MTHFD2L: variants seen among roughly 807,000 people sequenced by gnomAD.
MTHFD2L encodes bifunctional methylenetetrahydrofolate dehydrogenase/cyclohydrolase 2, mitochondrial.
A neutral mutation model predicts 34.9 loss-of-function variants in MTHFD2L; 29 were observed. The ratio of observed to expected loss-of-function variants is 0.83; its 90% CI spans 0.62 to 1.13. The LOEUF (loss-of-function observed/expected upper bound fraction) is 1.13, where lower values mean the gene tolerates loss of function less well. Among genes scored for constraint, MTHFD2L ranks in the 50% most tolerant of loss-of-function variants. The probability of loss-of-function intolerance (pLI) is 0.00; values close to 1 mark genes in which losing one functional copy is unlikely to be tolerated. For synonymous variants in MTHFD2L, 167 were observed against 155.7 expected, an observed-to-expected ratio of 1.07 and a Z score of -0.54; for missense variants, 481 against 446.5, an observed-to-expected ratio of 1.08 and a Z score of -0.70.
chr4:74,166,325 C>G (rs1043220849), intron 1 of MTHFD2L, among the ~76,000 whole-genome samples: 4 of 152,222 alleles, frequency 2.6e-5, no homozygotes, highest in African/African-American at 4.8e-5. Context: ...TAACTCCAGT[C>G]TTTGCCTCTG....
chr4:74,224,032 G>A (rs966643989), intron 5 of MTHFD2L: 3 of 151,988 alleles, frequency 2.0e-5, no homozygotes, highest in Admixed American at 6.6e-5. Flanking sequence ...GGATTTTTTA[G>A]ATCTACTGTT....
chr4:74,176,896 A>G (rs564151930), intron 3 of MTHFD2L, among the ~76,000 whole-genome samples: 2 of 152,108 alleles, frequency 1.3e-5, no homozygotes, highest in South Asian at 2.1e-4. Context: ...TGGGATCTTT[A>G]TGTGGTATTA....
At chr4:74,297,589 A>G (rs1749783785) in intron 7 of MTHFD2L, among the ~76,000 whole-genome samples, 1 of 152,080 alleles carries the variant, frequency 6.6e-6, no homozygotes, top group African/African-American at 2.4e-5. Flanking sequence ...TTTTCCCTAC[A>G]CATAATAGGA....
chr4:74,209,187 A>AAAAAC, intron 5 of MTHFD2L, among the ~76,000 whole-genome samples: 1 of 152,282 alleles, frequency 6.6e-6, no homozygotes, highest in East Asian at 1.9e-4. Context: ...TAAAAAACAA[A>AAAAAC]AAAACAAAAC....
chr4:74,291,738 AGT>A lies in MTHFD2L; in HGVS notation c.932-9956_932-9955del, dbSNP rs147122212. On this transcript the variant is annotated intron_variant, in intron 7 of 7. Coordinates refer to ENST00000325278, the MANE Select transcript of MTHFD2L (RefSeq NM_001144978.3). Reference sequence around the variant, plus strand: ...GTGTGTTCTACAACATGGGAAAGTAAGTGTATATAATCAGTTTCTAAGTAAAC... The same window carrying A: ...GTGTGTTCTACAACATGGGAAAGTAAGTATATAATCAGTTTCTAAGTAAAC... Among the ~76,000 whole-genome samples, 525 of 152,330 alleles carry A rather than the reference AGT, an allele frequency of 3.4e-3. 4 individuals carry two copies. The highest frequency in any genetic ancestry group is 0.012 in the African/African-American group (500 of 41,580).
chr4:74,270,979 G>T (rs1285188455), intron 6 of MTHFD2L, among the ~76,000 whole-genome samples: 1 of 152,130 alleles, frequency 6.6e-6, no homozygotes, highest in Admixed American at 6.6e-5. Flanking sequence ...CTTTTGAGAA[G>T]TGTCTGTTCA....
At chr4:74,168,235 C>T (rs1458129354) in intron 1 of MTHFD2L, among the ~76,000 whole-genome samples, 2 of 152,208 alleles carry the variant, frequency 1.3e-5, no homozygotes, top group African/African-American at 2.4e-5. Flanking sequence ...CCCATTCCTT[C>T]TCTGACTTCA....
chr4:74,119,792 C>CA (rs774537663), upstream of MTHFD2L, among the ~76,000 whole-genome samples: 78 of 150,988 alleles, frequency 5.2e-4, 1 homozygote, highest in South Asian at 2.5e-3. Context: ...CAAAAAAAAA[C>CA]AAAAAAAACA....
intron 5 of MTHFD2L, among the ~76,000 whole-genome samples, chr4:74,202,697 C>T (rs1198532793): frequency 1.3e-5 from 2 of 152,104 alleles, no homozygotes; most frequent in South Asian, 2.1e-4. Context: ...GTGTTAGAGA[C>T]GTGTTGTACT....
chr4:74,194,433 T>C (rs1010854896), intron 3 of MTHFD2L: 3 of 152,204 alleles, frequency 2.0e-5, no homozygotes, highest in Non-Finnish European at 2.9e-5. Flanking sequence ...TGTTTGTTTT[T>C]AGTGACTTTC....
intron 1 of MTHFD2L, among the ~76,000 whole-genome samples, chr4:74,141,888 C>T (rs1173660897): frequency 6.6e-6 from 1 of 152,056 alleles, no homozygotes; most frequent in Non-Finnish European, 1.5e-5. Context: ...ATTAGGAAAG[C>T]AGTTACACAG....
intron 6 of MTHFD2L, among the ~76,000 whole-genome samples, chr4:74,276,157 A>G (rs1746619361): frequency 6.6e-6 from 1 of 152,134 alleles, no homozygotes; most frequent in Admixed American, 6.6e-5. Flanking sequence ...CAAGGGTTTC[A>G]AAACATTCTA....
intron 1 of MTHFD2L, among the ~76,000 whole-genome samples, chr4:74,142,674 G>C (rs1270677442): frequency 6.6e-6 from 1 of 152,172 alleles, no homozygotes; most frequent in Non-Finnish European, 1.5e-5. Context: ...GATGTATCAA[G>C]ATAACAACAT....
chr4:74,235,599 G>C (rs1434063751), intron 6 of MTHFD2L, among the ~76,000 whole-genome samples: 5 of 152,096 alleles, frequency 3.3e-5, no homozygotes, highest in African/African-American at 1.2e-4. Context: ...TATTGGACAC[G>C]AATTCATGGA....
rs1478006853 is a variant in MTHFD2L, at chr4:74,199,851, G to A, written c.509G>A (p.Gly170Glu). Residue 170 changes from glycine to glutamate, a missense_variant, in exon 4 of 8, where the codon GGA (glycine) becomes GAA (glutamate). Physicochemically the swap from Gly to Glu is moderately conservative, Grantham distance 98. Coordinates refer to ENST00000325278, the MANE Select transcript of MTHFD2L (RefSeq NM_001144978.3). ...ATTGCCCCAGAAAAAGATGTAGATG[G>A]ATTTCATATTATCAATATTGGAAGA... ...NGIAPEKDVD[G>E]FHIINIGRLC... The A allele has an allele frequency of 6.2e-7, 1 of 1,613,736 alleles. No homozygotes were observed. The highest frequency in any genetic ancestry group is 8.5e-7 in the Non-Finnish European group (1 of 1,179,766).
intron 6 of MTHFD2L, among the ~76,000 whole-genome samples, chr4:74,255,267 A>G (rs902582389): frequency 1.3e-5 from 2 of 152,092 alleles, no homozygotes; most frequent in Admixed American, 6.5e-5. Context: ...GTATATAGCT[A>G]AAGTTAAGCT....
chr4:74,143,512 A>G (rs1723405543), intron 1 of MTHFD2L: 1 of 855,286 alleles, frequency 1.2e-6, no homozygotes, highest in South Asian at 5.4e-5. Flanking sequence ...GGGGCAGAAG[A>G]CTAAACAAGC....
chr4:74,237,295 C>G (rs533858976), intron 6 of MTHFD2L, among the ~76,000 whole-genome samples: 7 of 152,106 alleles, frequency 4.6e-5, no homozygotes, highest in Non-Finnish European at 8.8e-5. Flanking sequence ...TGGTGAAGAA[C>G]CTTGCTTTTA....
At chr4:74,193,224 G>A (rs563054997) in intron 3 of MTHFD2L, among the ~76,000 whole-genome samples, 11 of 152,156 alleles carry the variant, frequency 7.2e-5, no homozygotes, top group South Asian at 2.1e-4. Flanking sequence ...CTTTGCTTTC[G>A]CATTGAATTA....
Sources: allele counts gnomAD v4.1 joint callset (sites outside exome capture counted in the v4.1 genomes callset), GRCh38; gene constraint gnomAD v4.1.1; transcripts MANE v1.5; gene names NCBI Gene and HGNC (gene_info 2026-07-23, HGNC 2026-07-21).